The following PIP5K1B variants were observed in gnomAD, a reference collection of about 807,000 sequenced individuals.
PIP5K1B encodes phosphatidylinositol-4-phosphate 5-kinase type 1 beta.
A neutral mutation model predicts 67.0 loss-of-function variants in PIP5K1B; 42 were observed. The ratio of observed to expected loss-of-function variants is 0.63; its 90% CI spans 0.49 to 0.81. PIP5K1B has a LOEUF of 0.81. Ranked by LOEUF, PIP5K1B falls within the 30% of genes least tolerant of loss-of-function variation. The pLI is 0.00. For synonymous variants in PIP5K1B, 214 were observed against 231.4 expected (o/e 0.92, Z 0.68); for missense variants, 459 against 646.3 (o/e 0.71, Z 3.14).
chr9:68,897,705 C>A (rs987566624), intron 8 of PIP5K1B, among the ~76,000 whole-genome samples: 1 of 152,140 alleles, frequency 6.6e-6, no homozygotes, highest in Non-Finnish European at 1.5e-5. Flanking sequence ...AGTAGCAAAT[C>A]CAAGAATCCC....
chr9:68,906,100 A>G (rs994895274), intron 8 of PIP5K1B, among the ~76,000 whole-genome samples: 1 of 152,036 alleles, frequency 6.6e-6, no homozygotes, highest in Admixed American at 6.5e-5. Flanking sequence ...CTCACTTGCA[A>G]CCTTCTCTCC....
At chr9:68,970,761 TC>T in intron 14 of PIP5K1B, among the ~76,000 whole-genome samples, 1 of 152,156 alleles carries the variant, frequency 6.6e-6, no homozygotes, top group Non-Finnish European at 1.5e-5. Context: ...TTTTCTGGGG[TC>T]CCACCAGGAT....
rs559288737 is a variant in PIP5K1B, at chr9:68,989,545, CTT to C, written c.1503-1585_1503-1584del. On this transcript the variant is annotated intron_variant, in intron 14 of 15. Transcript: ENST00000265382. ...CCAATATCACACTCTTCTCCATTTTCTTTTTTTTTTTCAAATATTTTGTTCCA... is the reference window on the plus strand; with the variant it reads ...CCAATATCACACTCTTCTCCATTTTCTTTTTTTTTCAAATATTTTGTTCCA... 6.1e-5 allele frequency among the ~76,000 whole-genome samples: 9 copies of C among 148,266 alleles called. No homozygotes were observed. In the South Asian group the frequency reaches 1.7e-3, roughly 28 times the overall value.
rs540861484 is a variant in PIP5K1B at position 68,725,982 on chromosome 9, A to G, written c.-242-16519A>G. Among the ~76,000 whole-genome samples, 6 of 152,332 alleles carry G rather than the reference A, an allele frequency of 3.9e-5. No individual in the cohort carries two copies. The East Asian group carries it at 1.2e-3, about 29-fold the overall frequency. On this transcript the variant is annotated intron_variant, in intron 1 of 15. Coordinates refer to ENST00000265382, the MANE Select transcript of PIP5K1B (RefSeq NM_003558.4). ...TACTTGGTGCTGCCCATTTAGATGT[A>G]ATATGAGAAGCTCCTAGAAGTCACC...
At chr9:68,962,224 A>G (rs1277802367) in intron 14 of PIP5K1B, among the ~76,000 whole-genome samples, 1 of 152,036 alleles carries the variant, frequency 6.6e-6, no homozygotes, top group Non-Finnish European at 1.5e-5. Context: ...AAGACATTAA[A>G]TAAACATTTC....
chr9:68,862,214 C>T (rs1455267327), intron 4 of PIP5K1B, among the ~76,000 whole-genome samples: 1 of 152,166 alleles, frequency 6.6e-6, no homozygotes, highest in Admixed American at 6.5e-5. Context: ...GAAGATGACA[C>T]TGCCTTGGGA....
intron 5 of PIP5K1B, among the ~76,000 whole-genome samples, chr9:68,875,497 T>C (rs539293011): frequency 6.6e-6 from 1 of 152,282 alleles, no homozygotes; most frequent in African/African-American, 2.4e-5. Flanking sequence ...GTTAACATTA[T>C]GTTGAAGACT....
chr9:68,892,016 A>G (rs2132397061), intron 7 of PIP5K1B, among the ~76,000 whole-genome samples: 1 of 152,326 alleles, frequency 6.6e-6, no homozygotes, highest in Middle Eastern at 3.4e-3. Flanking sequence ...AAATTCTAAA[A>G]TACTTGAATC....
chr9:68,748,333 G>C (rs953390), intron 2 of PIP5K1B, among the ~76,000 whole-genome samples: 98,081 of 152,054 alleles, frequency 0.65, 32,731 homozygotes, highest in Middle Eastern at 0.75. Flanking sequence ...TCTCCACTGG[G>C]AATGACTTCT....
intron 14 of PIP5K1B, among the ~76,000 whole-genome samples, chr9:68,974,496 T>A (rs546907579): frequency 6.6e-6 from 1 of 152,362 alleles, no homozygotes; most frequent in East Asian, 1.9e-4. Context: ...CAGAGATTAC[T>A]AAAGCTGTAC....
Position 68,781,000 on chromosome 9 carries a change from T to C in PIP5K1B, c.-85-37461T>C. 3 of 1,613,928 alleles carry C rather than the reference T, an allele frequency of 1.9e-6. No homozygotes were observed. The East Asian group carries it at 6.7e-5, about 36-fold the overall frequency. On this transcript the variant is annotated intron_variant, in intron 2 of 15. Coordinates refer to ENST00000265382, the MANE Select transcript of PIP5K1B (RefSeq NM_003558.4). ...CCTGCCCAAGCGGCTTCTCCATTTA[T>C]TCCACTAGATGAACTTTCGTCTAAG...
chr9:69,000,099 C>T (rs1259333359), intron 15 of PIP5K1B, among the ~76,000 whole-genome samples: 1 of 152,084 alleles, frequency 6.6e-6, no homozygotes, highest in East Asian at 1.9e-4. Context: ...TCCAAGTGTG[C>T]CCCCCTCATC....
intron 3 of PIP5K1B, among the ~76,000 whole-genome samples, chr9:68,819,571 C>A (rs769058980): frequency 5.3e-5 from 8 of 152,176 alleles, no homozygotes; most frequent in African/African-American, 1.7e-4. Context: ...CAATGCCCAA[C>A]GTAATTATAT....
chr9:68,923,626 T>C (rs1826527027), intron 12 of PIP5K1B, among the ~76,000 whole-genome samples: 1 of 152,166 alleles, frequency 6.6e-6, no homozygotes. Flanking sequence ...TGGTTAAATA[T>C]ATTATGATAC....
intron 4 of PIP5K1B, among the ~76,000 whole-genome samples, chr9:68,832,690 C>G (rs1351518055): frequency 6.6e-6 from 1 of 152,218 alleles, no homozygotes; most frequent in Non-Finnish European, 1.5e-5. Context: ...CACGTACACC[C>G]AGACACCCAG....
chr9:68,991,256 T>G lies in PIP5K1B; in HGVS notation c.1619T>G (p.Leu540Ter), dbSNP rs1564299359. 3 of 1,555,334 alleles carry G rather than the reference T, an allele frequency of 1.9e-6. No individual in the cohort carries two copies. The highest frequency in any genetic ancestry group is 2.7e-6 in the Non-Finnish European group (3 of 1,126,302). Residue 540 changes from leucine to a stop codon, truncating the protein, a stop_gained and splice_region_variant, in exon 15 of 16, where the codon TTA (leucine) becomes TGA (stop). Coordinates refer to ENST00000265382, the MANE Select transcript of PIP5K1B (RefSeq NM_003558.4). LOFTEE classifies it high-confidence loss of function. ...AATGCTTCTGTGCTTGACGTCTATT[T>G]AGTAAGTAATTTTTTAGTTTCCTCT... ...DDNASVLDVY[L>*]
At chr9:68,835,087 T>C (rs1834530299) in intron 4 of PIP5K1B, among the ~76,000 whole-genome samples, 1 of 152,214 alleles carries the variant, frequency 6.6e-6, no homozygotes, top group Non-Finnish European at 1.5e-5. Context: ...TCATAGTCAA[T>C]GCCCTTTTCT....
intron 4 of PIP5K1B, among the ~76,000 whole-genome samples, chr9:68,862,088 T>C (rs1823117263): frequency 6.6e-6 from 1 of 152,144 alleles, no homozygotes; most frequent in African/African-American, 2.4e-5. Context: ...ATAACCTTTA[T>C]TGTAGAATAA....
At chr9:68,764,731 G>T (rs370295805) in intron 2 of PIP5K1B, among the ~76,000 whole-genome samples, 1 of 152,002 alleles carries the variant, frequency 6.6e-6, no homozygotes. Flanking sequence ...AAGAATTTAT[G>T]CTAGTTACAG....
Sources: allele counts gnomAD v4.1 joint callset (sites outside exome capture counted in the v4.1 genomes callset), GRCh38; gene constraint gnomAD v4.1.1; transcripts MANE v1.5; gene names NCBI Gene and HGNC (gene_info 2026-07-23, HGNC 2026-07-21).